Variants in CELF6 observed in about 807,000 individuals in gnomAD.
The protein encoded by CELF6 is CUGBP Elav-like family member 6, also known as Bruno -like 6, RNA binding protein.
A neutral mutation model predicts 53.1 loss-of-function variants in CELF6; 32 were observed. The ratio of observed to expected loss-of-function variants is 0.60; its 90% CI spans 0.46 to 0.81. The LOEUF (loss-of-function observed/expected upper bound fraction) is 0.81. CELF6 is among the 30% of genes least tolerant of loss of function. CELF6 has a pLI of 0.00. For missense variants in CELF6, 539 were observed against 669.5 expected (o/e 0.81, Z 2.15); for synonymous variants, 291 against 288.8 (o/e 1.01, Z -0.08).
Position 72,289,873 on chromosome 15 carries a change from C to T in CELF6, c.603+66G>A. On this transcript the variant is annotated intron_variant, in intron 5 of 12. Coordinates refer to ENST00000287202, the MANE Select transcript of CELF6 (RefSeq NM_052840.5). This position sits in a 1 kb window ranked among gnomAD's most constrained non-coding sequence, Gnocchi z 7.6. ...GTCCTTTCGCGGGGCACCGAGCACA[C>T]TCGGGGAGGAGAAGCCCGTCCCCAC... 1 of 1,522,432 alleles carries T rather than the reference C, an allele frequency of 6.6e-7. No individual in the cohort carries two copies. The highest frequency in any genetic ancestry group is 8.8e-7 in the Non-Finnish European group (1 of 1,138,188). The allele number at this position is 1,522,432 out of a possible 1,614,324, so 94.3% of individuals were successfully genotyped here. A position where few individuals can be genotyped will look rare whatever the true frequency, so the allele number is the denominator to read the frequency against.
chr15:72,290,356 G>T, intron 3 of CELF6, 101 bp from the exon 4 acceptor site: 1 of 1,385,494 alleles, frequency 7.2e-7, no homozygotes, highest in Non-Finnish European at 9.7e-7. Flanking sequence ...TCTCACTCTG[G>T]GAAGCAGAGG....
chr15:72,290,739 C>T (rs1000222433), intron 3 of CELF6, among the ~76,000 whole-genome samples: 1 of 152,168 alleles, frequency 6.6e-6, no homozygotes, highest in African/African-American at 2.4e-5. Context: ...AATCAATGCC[C>T]CTTCCTGCTA....
At position 72,319,671 on chromosome 15, in the gene CELF6, C is replaced by T. The variant is rs751424897; in HGVS notation, c.204G>A (p.Glu68=). 50 of 1,586,528 alleles carry T rather than the reference C, an allele frequency of 3.2e-5. No individual in the cohort carries two copies. Among genetic ancestry groups the T allele is most frequent in the Non-Finnish European group, 4.1e-5 (48 of 1,165,846 alleles). ...CCGTCAGCTCGTAGATGCGGCCGAA[C>T]TCCTCGAACAGCGGCTTGAGGTCCT... ...DEQDLKPLFE[E]FGRIYELTVL... The change falls in exon 1 of 13, where the codon GAG becomes GAA. Residue 68 remains glutamate, a synonymous_variant. Coordinates refer to ENST00000287202, the MANE Select transcript of CELF6 (RefSeq NM_052840.5). This position sits in a 1 kb window ranked among gnomAD's most constrained non-coding sequence, Gnocchi z 5.0.
chr15:72,290,077 C>T, intron 4 of CELF6, 50 bp downstream of exon 4: 1 of 1,613,194 alleles, frequency 6.2e-7, no homozygotes. Context: ...AGTTATGTGG[C>T]CCAGAGTGAG....
At chr15:72,296,902 A>T (rs2088087255) in intron 3 of CELF6, among the ~76,000 whole-genome samples, 1 of 152,348 alleles carries the variant, frequency 6.6e-6, no homozygotes, top group African/African-American at 2.4e-5. Context: ...GTTCTTCAAA[A>T]AATTAAAAAT....
chr15:72,314,671 T>C (rs1482138941), intron 2 of CELF6, among the ~76,000 whole-genome samples: 2 of 147,352 alleles, frequency 1.4e-5, no homozygotes, highest in East Asian at 4.2e-4. Context: ...CTTGGCTCAC[T>C]GCAACCTCTG....
intron 1 of CELF6, among the ~76,000 whole-genome samples, chr15:72,316,883 C>T (rs1156425362): frequency 6.6e-6 from 1 of 152,110 alleles, no homozygotes; most frequent in African/African-American, 2.4e-5. Flanking sequence ...GGGGATTAGA[C>T]AAATCATGAG....
chr15:72,292,386 T>G, intron 3 of CELF6: 1 of 681,494 alleles, frequency 1.5e-6, no homozygotes, highest in South Asian at 2.0e-5. Flanking sequence ...GCCATTGTTC[T>G]AAGTTATTCT....
chr15:72,304,024 C>T (rs2088192179), intron 3 of CELF6, among the ~76,000 whole-genome samples: 1 of 152,040 alleles, frequency 6.6e-6, no homozygotes, highest in African/African-American at 2.4e-5. Flanking sequence ...GCATCCACTA[C>T]CACACCCGGC....
Position 72,320,057 on chromosome 15 carries a change from G to A in CELF6, c.-183C>T, listed in dbSNP as rs1214122953. 4.8e-6 allele frequency: 3 copies of A among 619,220 alleles called. No individual in the cohort carries two copies. The African/African-American group carries it at 5.7e-5, about 12-fold the overall frequency. 38.4% of individuals were successfully genotyped at this position (619,220 alleles called of 1,614,324 possible). On this transcript the variant is annotated 5_prime_UTR_variant, in exon 1 of 13. Transcript: ENST00000287202. ...AGGGGGTGGGGCGGGCAGGAAAGGG[G>A]CGGGGCCGGGGCGGGGCGGGCCCGG...
intron 2 of CELF6, among the ~76,000 whole-genome samples, chr15:72,315,380 A>G (rs1362006444): frequency 2.0e-5 from 3 of 152,170 alleles, no homozygotes; most frequent in African/African-American, 7.2e-5. Flanking sequence ...TGCAGTGTGG[A>G]GGGAAGACAA....
intron 2 of CELF6, among the ~76,000 whole-genome samples, chr15:72,314,597 T>G (rs1025974029): frequency 9.1e-5 from 13 of 143,582 alleles, no homozygotes; most frequent in Non-Finnish European, 1.8e-4. Flanking sequence ...GTGTTTTTTT[T>G]TTTTTTTTTT....
chr15:72,310,936 C>T (rs2088286326), intron 2 of CELF6, among the ~76,000 whole-genome samples: 1 of 152,136 alleles, frequency 6.6e-6, no homozygotes, highest in African/African-American at 2.4e-5. Flanking sequence ...GCCCAACATG[C>T]ACGATTCTCT....
At position 72,315,932 on chromosome 15, in the gene CELF6, G is replaced by T; in HGVS notation, c.263-5C>A. 6.2e-7 allele frequency: 1 copy of T among 1,601,058 alleles called. No homozygotes were observed. Among genetic ancestry groups the T allele is most frequent in the African/African-American group, 1.3e-5 (1 of 74,842 alleles). On this transcript the variant is annotated splice_region_variant and splice_polypyrimidine_tract_variant and intron_variant, in intron 1 of 12. Transcript: ENST00000287202. ...AGTAGGTGAGGAAGGCACAGCCTGA[G>T]GAGGAAGAGGCTGGCTCAGGGGGTT...
Position 72,289,617 on chromosome 15 carries a change from C to G in CELF6, c.747+10G>C. ...CTGCGCGCCCTCGCACGCAGGTGCCCGGTACCTACCGCCGTGGTGTAGGCG... is the reference window on the plus strand; with the variant it reads ...CTGCGCGCCCTCGCACGCAGGTGCCGGGTACCTACCGCCGTGGTGTAGGCG... On this transcript the variant is annotated intron_variant, in intron 6 of 12. Transcript: ENST00000287202. This position sits in a 1 kb window ranked among gnomAD's most constrained non-coding sequence, Gnocchi z 7.6. 3 of 1,500,298 alleles carry G rather than the reference C, an allele frequency of 2.0e-6. No individual in the cohort carries two copies. The highest frequency in any genetic ancestry group is 1.8e-6 in the Non-Finnish European group (2 of 1,133,046). 92.9% of individuals were successfully genotyped at this position (1,500,298 alleles called of 1,614,324 possible). A position where few individuals can be genotyped will look rare whatever the true frequency, so the allele number is the denominator to read the frequency against.
At chr15:72,300,907 A>C (rs185309678) in intron 3 of CELF6, among the ~76,000 whole-genome samples, 3 of 152,046 alleles carry the variant, frequency 2.0e-5, no homozygotes, top group Non-Finnish European at 4.4e-5. Flanking sequence ...AGAAGCAATT[A>C]TGATAGGTTT....
chr15:72,297,457 A>C (rs1489839700), intron 3 of CELF6, among the ~76,000 whole-genome samples: 1 of 152,244 alleles, frequency 6.6e-6, no homozygotes, highest in African/African-American at 2.4e-5. Flanking sequence ...ACCCATATTC[A>C]TAACAACATT....
Position 72,289,140 on chromosome 15 carries a change from G to C in CELF6, c.1028C>G (p.Pro343Arg). 6.5e-7 allele frequency: 1 copy of C among 1,530,444 alleles called. No homozygotes were observed. The allele number at this position is 1,530,444 out of a possible 1,614,324, so 94.8% of individuals were successfully genotyped here. ...TTTGGGCGGAGCGGGGGGCCCACCT[G>C]GATAAGGGGAGAGCCCGTTATTGTA... ...TLYNNGLSPYPAQSPGVADPL... is the reference protein window; with the variant it reads ...TLYNNGLSPYRAQSPGVADPL... The change falls in exon 8 of 13, where the codon CCA (proline) becomes CGA (arginine). Residue 343 changes from proline (P) to arginine (R), a missense_variant and splice_region_variant. By Grantham distance (103) the Pro-to-Arg change is moderately radical. This residue lies in a region of CELF6 where 358 missense variants were observed against 412.8 expected (regional missense o/e 0.87). Transcript: ENST00000287202. This position sits in a 1 kb window ranked among gnomAD's most constrained non-coding sequence, Gnocchi z 7.6.
intron 3 of CELF6, among the ~76,000 whole-genome samples, chr15:72,302,709 G>C (rs375858941): frequency 1.3e-5 from 2 of 152,184 alleles, no homozygotes; most frequent in South Asian, 2.1e-4. Flanking sequence ...CTTAGTTCCT[G>C]AGCAAGACTC....
Sources: allele counts gnomAD v4.1 joint callset (sites outside exome capture counted in the v4.1 genomes callset), GRCh38; gene constraint gnomAD v4.1.1; regional missense constraint gnomAD v4.1.1; non-coding constraint Gnocchi (gnomAD v3.1); transcripts MANE v1.5; gene names NCBI Gene and HGNC (gene_info 2026-07-23, HGNC 2026-07-21).